ASTN2: variants seen among roughly 807,000 people sequenced by gnomAD.
ASTN2 encodes astrotactin 2.
A neutral mutation model predicts 139.8 loss-of-function variants in ASTN2; 54 were observed. The observed-to-expected ratio is 0.39, with a 90% CI of 0.31 to 0.48. The LOEUF (loss-of-function observed/expected upper bound fraction) is 0.48, where lower values mean the gene tolerates loss of function less well. ASTN2 is among the 20% of genes least tolerant of loss of function. ASTN2 has a pLI of 0.95. For missense variants in ASTN2, 1,565 were observed against 1,725.1 expected (o/e 0.91, Z 1.64); for synonymous variants, 756 against 719.5 (o/e 1.05, Z -0.81).
intron 13 of ASTN2, among the ~76,000 whole-genome samples, chr9:116,778,216 G>T (rs1830132965): frequency 6.6e-6 from 1 of 151,902 alleles, no homozygotes; most frequent in African/African-American, 2.4e-5. Flanking sequence ...CTTATGCCAT[G>T]ATGTTGGGAA....
At chr9:116,517,893 G>A (rs1418503988) in intron 19 of ASTN2, among the ~76,000 whole-genome samples, 1 of 152,156 alleles carries the variant, frequency 6.6e-6, no homozygotes, top group Non-Finnish European at 1.5e-5. Flanking sequence ...AACTGAACAA[G>A]TGGAAGAAAG....
chr9:117,197,713 G>A lies in ASTN2; in HGVS notation c.1015+16645C>T, dbSNP rs1831552883. Among the ~76,000 whole-genome samples the A allele has an allele frequency of 2.6e-5, 4 of 152,142 alleles. No homozygotes were observed. In the South Asian group the frequency reaches 8.3e-4, roughly 32 times the overall value. ...AACAATATATTAGCCTTTGGGTCCTGTCAGTGGAATAGAATGAACAGGCAA... is the reference window on the plus strand; with the variant it reads ...AACAATATATTAGCCTTTGGGTCCTATCAGTGGAATAGAATGAACAGGCAA... On this transcript the variant is annotated intron_variant, in intron 3 of 22. Coordinates refer to ENST00000313400, the MANE Select transcript of ASTN2 (RefSeq NM_001365068.1).
chr9:117,214,817 C>G (rs1029526969), intron 2 of ASTN2, 75 bp from the exon 3 acceptor site: 1 of 1,360,852 alleles, frequency 7.3e-7, no homozygotes, highest in African/African-American at 1.4e-5. Flanking sequence ...TTTTCCTGTC[C>G]ACTACACTCT....
chr9:116,623,907 G>C (rs1856304367), intron 17 of ASTN2, among the ~76,000 whole-genome samples: 1 of 152,038 alleles, frequency 6.6e-6, no homozygotes. Context: ...TTATGTGTGT[G>C]CATGTGTTGT....
intron 3 of ASTN2, among the ~76,000 whole-genome samples, chr9:117,198,134 G>A (rs1831572017): frequency 1.3e-5 from 2 of 151,872 alleles, no homozygotes; most frequent in African/African-American, 4.8e-5. Context: ...ATGTGCCTTG[G>A]TGGTTTGCTG....
At chr9:117,138,668 C>T (rs1830006940) in intron 4 of ASTN2, among the ~76,000 whole-genome samples, 1 of 152,108 alleles carries the variant, frequency 6.6e-6, no homozygotes, top group Admixed American at 6.6e-5. Context: ...TTGTAAGGAG[C>T]AGTTAATAAA....
intron 4 of ASTN2, among the ~76,000 whole-genome samples, chr9:117,135,897 C>T (rs1296085676): frequency 6.6e-6 from 1 of 152,026 alleles, no homozygotes; most frequent in Non-Finnish European, 1.5e-5. Context: ...GAGAAATGGC[C>T]CATGTGCTGG....
intron 19 of ASTN2, among the ~76,000 whole-genome samples, chr9:116,530,450 T>C (rs999941158): frequency 4.0e-5 from 6 of 151,868 alleles, no homozygotes; most frequent in Non-Finnish European, 8.8e-5. Flanking sequence ...TAATATATTG[T>C]ATGCTTGAAA....
rs542951065 is a variant in ASTN2 at position 116,771,150 on chromosome 9, G to T, written c.2396+34482C>A. ...ACATCATCTCTTAGAAACCTTCTCAGGTAGTCTGGCTACATCAGGTACTCC... is the reference window on the plus strand; with the variant it reads ...ACATCATCTCTTAGAAACCTTCTCATGTAGTCTGGCTACATCAGGTACTCC... On this transcript the variant is annotated intron_variant, in intron 13 of 22. Transcript: ENST00000313400. Among the ~76,000 whole-genome samples, 327 of 152,236 alleles carry T rather than the reference G, an allele frequency of 2.1e-3. 12 individuals carry two copies. In the South Asian group the frequency reaches 0.059, roughly 28 times the overall value.
intron 1 of ASTN2, among the ~76,000 whole-genome samples, chr9:117,309,694 G>A (rs779368341): frequency 2.0e-5 from 3 of 152,152 alleles, no homozygotes; most frequent in Non-Finnish European, 4.4e-5. Context: ...AAAAAGTGGG[G>A]CAGCCCTCCT....
intron 1 of ASTN2, among the ~76,000 whole-genome samples, chr9:117,334,039 C>T (rs1828797595): frequency 6.6e-6 from 1 of 152,108 alleles, no homozygotes; most frequent in Non-Finnish European, 1.5e-5. Context: ...TGTAAAGAGC[C>T]AGATGGCAAA....
At chr9:117,160,430 G>A (rs904788520) in intron 3 of ASTN2, among the ~76,000 whole-genome samples, 4 of 47,614 alleles carry the variant, frequency 8.4e-5, no homozygotes, top group African/African-American at 3.3e-4. Flanking sequence ...CCACTGGAGG[G>A]TAATCACAAT....
chr9:116,995,649 G>A (rs1836992420), intron 7 of ASTN2, among the ~76,000 whole-genome samples: 1 of 152,184 alleles, frequency 6.6e-6, no homozygotes, highest in South Asian at 2.1e-4. Flanking sequence ...GCATAGGCTT[G>A]TGGTTTAGAG....
chr9:116,873,129 C>G (rs912369766), intron 10 of ASTN2, among the ~76,000 whole-genome samples: 1 of 152,212 alleles, frequency 6.6e-6, no homozygotes, highest in African/African-American at 2.4e-5. Flanking sequence ...TGTATCAACT[C>G]ACTTAATCCT....
At position 117,158,415 on chromosome 9, in the gene ASTN2, T is replaced by C. The variant is rs143704487; in HGVS notation, c.1016-16937A>G. Among the ~76,000 whole-genome samples the C allele has an allele frequency of 3.9e-4, 59 of 152,196 alleles. No homozygotes were observed. The East Asian group carries it at 0.011, about 29-fold the overall frequency. Reference sequence around the variant, plus strand: ...TCCCATTTGGAATGCTATATAAGTATGATTTGAGAGTTAACTATATCCCGA... The same window carrying C: ...TCCCATTTGGAATGCTATATAAGTACGATTTGAGAGTTAACTATATCCCGA... On this transcript the variant is annotated intron_variant, in intron 3 of 22. Coordinates refer to ENST00000313400, the MANE Select transcript of ASTN2 (RefSeq NM_001365068.1).
At chr9:117,326,293 T>C (rs1828515867) in intron 1 of ASTN2, among the ~76,000 whole-genome samples, 1 of 152,124 alleles carries the variant, frequency 6.6e-6, no homozygotes, top group Non-Finnish European at 1.5e-5. Flanking sequence ...GACATGGAAA[T>C]GAAATAAGTA....
chr9:116,896,901 C>T (rs1588392660), intron 10 of ASTN2, among the ~76,000 whole-genome samples: 1 of 152,084 alleles, frequency 6.6e-6, no homozygotes, highest in South Asian at 2.1e-4. Flanking sequence ...ATGAGATTTG[C>T]GTGGGGACAC....
chr9:117,220,417 A>G (rs1056464012), intron 2 of ASTN2, among the ~76,000 whole-genome samples: 4 of 152,054 alleles, frequency 2.6e-5, no homozygotes, highest in Non-Finnish European at 5.9e-5. Flanking sequence ...GCACCCTCTC[A>G]CTCACTCGAC....
intron 11 of ASTN2, among the ~76,000 whole-genome samples, chr9:116,824,972 C>T (rs1831586420): frequency 6.6e-6 from 1 of 152,214 alleles, no homozygotes; most frequent in South Asian, 2.1e-4. Flanking sequence ...CTTTTCTCCT[C>T]CTCTAGGAAG....
Sources: allele counts gnomAD v4.1 joint callset (sites outside exome capture counted in the v4.1 genomes callset), GRCh38; gene constraint gnomAD v4.1.1; transcripts MANE v1.5; gene names NCBI Gene and HGNC (gene_info 2026-07-23, HGNC 2026-07-21).